MRPS28: variants seen among roughly 807,000 people sequenced by gnomAD.
MRPS28 encodes mitochondrial ribosomal protein S28.
Under a neutral mutation model 10.8 loss-of-function variants are expected in MRPS28, and 7 were observed. The ratio of observed to expected loss-of-function variants is 0.65; its 90% confidence interval spans 0.37 to 1.22. The LOEUF is 1.22. Among genes scored for constraint, MRPS28 ranks in the 50% most tolerant of loss-of-function variants. The probability of loss-of-function intolerance (pLI) is 0.02; values close to 1 mark genes in which losing one functional copy is unlikely to be tolerated. For synonymous variants in MRPS28, 121 were observed against 93.3 expected, an observed-to-expected ratio of 1.30 and a Z score of -1.71; for missense variants, 265 against 232.9, an observed-to-expected ratio of 1.14 and a Z score of -0.90.
intron 2 of MRPS28, among the ~76,000 whole-genome samples, chr8:79,989,212 C>T (rs1304940002): frequency 6.6e-6 from 1 of 152,060 alleles, no homozygotes; most frequent in Non-Finnish European, 1.5e-5. Context: ...TGTTTGCAAT[C>T]TTACCAAACT....
At chr8:79,947,524 C>T (rs1011470890) in intron 2 of MRPS28, among the ~76,000 whole-genome samples, 26 of 151,604 alleles carry the variant, frequency 1.7e-4, no homozygotes, top group African/African-American at 6.3e-4. Flanking sequence ...ATATTGATTC[C>T]TTCTAATCAT....
intron 1 of MRPS28, among the ~76,000 whole-genome samples, chr8:80,006,170 A>G (rs1808836788): frequency 6.6e-6 from 1 of 152,236 alleles, no homozygotes; most frequent in Non-Finnish European, 1.5e-5. Flanking sequence ...AACCAAAATC[A>G]ACAGAATATT....
At chr8:80,003,306 T>A in intron 1 of MRPS28, 126 bp from the exon 2 acceptor site, 3 of 697,566 alleles carry the variant, frequency 4.3e-6, no homozygotes, top group Non-Finnish European at 6.5e-6. Context: ...AATTTTGCTT[T>A]AAAATGCCAG....
At chr8:80,023,685 C>T (rs573428483) in intron 1 of MRPS28, among the ~76,000 whole-genome samples, 1 of 152,220 alleles carries the variant, frequency 6.6e-6, no homozygotes, top group Admixed American at 6.5e-5. Context: ...CCCTAAAACT[C>T]TCTGAAAAAC....
chr8:79,919,192 T>C, intron 2 of MRPS28, 44 bp from the exon 3 acceptor site: 1 of 1,445,386 alleles, frequency 6.9e-7, no homozygotes, highest in Non-Finnish European at 9.2e-7. Flanking sequence ...CTGAATATCA[T>C]AACATGAACA....
intron 2 of MRPS28, among the ~76,000 whole-genome samples, chr8:79,952,093 C>A (rs1372583626): frequency 3.9e-5 from 6 of 152,110 alleles, no homozygotes; most frequent in Admixed American, 2.6e-4. Flanking sequence ...GAAAAGAATG[C>A]CCATTCCTTT....
chr8:79,947,872 C>T (rs1239539441), intron 2 of MRPS28, among the ~76,000 whole-genome samples: 3 of 151,266 alleles, frequency 2.0e-5, no homozygotes, highest in Non-Finnish European at 2.9e-5. Context: ...CTCCTGACCT[C>T]GTGATCCGCC....
chr8:79,954,497 T>G (rs1165730351), intron 2 of MRPS28, among the ~76,000 whole-genome samples: 9 of 152,164 alleles, frequency 5.9e-5, no homozygotes. Context: ...AAAGATACCC[T>G]GGGGCTTTTC....
chr8:79,965,533 C>T (rs981685716), intron 2 of MRPS28, among the ~76,000 whole-genome samples: 1 of 152,006 alleles, frequency 6.6e-6, no homozygotes, highest in Admixed American at 6.6e-5. Context: ...GCTTAAGGTA[C>T]GTCCTTTTAT....
chr8:80,024,609 G>C (rs371393238), intron 1 of MRPS28, among the ~76,000 whole-genome samples: 4 of 152,218 alleles, frequency 2.6e-5, no homozygotes, highest in East Asian at 1.9e-4. Flanking sequence ...GTAAAACTTG[G>C]ACTTTCACCA....
intron 2 of MRPS28, among the ~76,000 whole-genome samples, chr8:79,974,845 CA>C (rs550263978): frequency 1.3e-5 from 2 of 150,954 alleles, no homozygotes; most frequent in African/African-American, 4.9e-5. Flanking sequence ...GGCTAAAATA[CA>C]AAAAAAAGTT....
intron 2 of MRPS28, among the ~76,000 whole-genome samples, chr8:80,002,563 A>C (rs970539317): frequency 6.6e-6 from 1 of 152,198 alleles, no homozygotes; most frequent in Non-Finnish European, 1.5e-5. Flanking sequence ...TACCTACATA[A>C]ACCACAACAG....
intron 2 of MRPS28, among the ~76,000 whole-genome samples, chr8:79,968,193 C>T (rs145853045): frequency 3.3e-5 from 5 of 152,216 alleles, no homozygotes; most frequent in African/African-American, 1.2e-4. Context: ...AATGACTGCC[C>T]TGCCTCCAAA....
chr8:79,988,440 A>G (rs1808259923), intron 2 of MRPS28, among the ~76,000 whole-genome samples: 1 of 151,152 alleles, frequency 6.6e-6, no homozygotes, highest in East Asian at 1.9e-4. Context: ...AAATAAAATA[A>G]ATAAAAATAA....
chr8:79,937,172 T>C (rs183511966), intron 2 of MRPS28, among the ~76,000 whole-genome samples: 82 of 152,224 alleles, frequency 5.4e-4, no homozygotes, highest in Non-Finnish European at 8.5e-4. Flanking sequence ...CACAAGCTCT[T>C]AGTTTTATAA....
At chr8:79,927,217 A>C (rs1455451897) in intron 2 of MRPS28, among the ~76,000 whole-genome samples, 1 of 152,222 alleles carries the variant, frequency 6.6e-6, no homozygotes, top group African/African-American at 2.4e-5. Context: ...GCTTGGCTAC[A>C]TAAGGTTTAC....
intron 2 of MRPS28, among the ~76,000 whole-genome samples, chr8:79,984,503 C>T (rs1287551543): frequency 1.3e-5 from 2 of 152,162 alleles, no homozygotes; most frequent in African/African-American, 4.8e-5. Flanking sequence ...AGTCAAGACC[C>T]ATCAGTGCGC....
At chr8:79,977,353 G>A (rs1471128902) in intron 2 of MRPS28, among the ~76,000 whole-genome samples, 2 of 152,006 alleles carry the variant, frequency 1.3e-5, no homozygotes, top group African/African-American at 2.4e-5. Flanking sequence ...CAGAAATATC[G>A]ACATAAATCC....
At chr8:79,951,518 C>T (rs937101533) in intron 2 of MRPS28, among the ~76,000 whole-genome samples, 11 of 152,170 alleles carry the variant, frequency 7.2e-5, no homozygotes, top group African/African-American at 2.7e-4. Flanking sequence ...CTTCCCCACC[C>T]CTACCTTGGG....
Sources: allele counts gnomAD v4.1 joint callset (sites outside exome capture counted in the v4.1 genomes callset), GRCh38; gene constraint gnomAD v4.1.1; transcripts MANE v1.5; gene names NCBI Gene and HGNC (gene_info 2026-07-23, HGNC 2026-07-21).